Variants in FOXP2 observed in about 807,000 individuals in gnomAD.
FOXP2 encodes forkhead box protein P2.
FOXP2 carries 12 observed loss-of-function variants against 115.8 expected under a neutral mutation model. The observed-to-expected ratio is 0.10, with a 90% CI of 0.07 to 0.17. The LOEUF (loss-of-function observed/expected upper bound fraction) is 0.17, where lower values mean the gene tolerates loss of function less well. FOXP2 is among the 10% of genes least tolerant of loss of function. The pLI, the probability that FOXP2 is intolerant of heterozygous loss-of-function variation, is 1.00. For missense variants in FOXP2, 629 were observed against 843.5 expected, an observed-to-expected ratio of 0.75 and a Z score of 3.15; for synonymous variants, 328 against 297.7, an observed-to-expected ratio of 1.10 and a Z score of -1.05.
intron 4 of FOXP2, chr7:114,629,537 T>C: frequency 1.4e-6 from 2 of 1,403,782 alleles, no homozygotes; most frequent in African/African-American, 2.8e-5. Context: ...TAATTTAAAG[T>C]ATTAATTTGG....
intron 2 of FOXP2, among the ~76,000 whole-genome samples, chr7:114,402,401 A>G (rs1174126064): frequency 1.3e-5 from 2 of 152,166 alleles, no homozygotes; most frequent in African/African-American, 4.8e-5. Flanking sequence ...CTCCACCTCT[A>G]GAGGTATTTG....
At chr7:114,276,055 G>A in intron 1 of FOXP2, among the ~76,000 whole-genome samples, 1 of 152,152 alleles carries the variant, frequency 6.6e-6, no homozygotes, top group East Asian at 1.9e-4. Context: ...ATTAGTTTTT[G>A]ATAATGTGAT....
chr7:114,555,532 C>G (rs910659189), intron 3 of FOXP2, among the ~76,000 whole-genome samples: 1 of 152,290 alleles, frequency 6.6e-6, no homozygotes, highest in Non-Finnish European at 1.5e-5. Context: ...CACAGTGGCT[C>G]ATGCCTGTAA....
chr7:114,124,563 T>C (rs757975299), intron 1 of FOXP2, among the ~76,000 whole-genome samples: 2 of 152,116 alleles, frequency 1.3e-5, no homozygotes, highest in African/African-American at 2.4e-5. Context: ...TGCTTTCCAA[T>C]AAACTTTTAC....
intron 7 of FOXP2, among the ~76,000 whole-genome samples, chr7:114,643,563 T>C (rs989614968): frequency 2.0e-5 from 3 of 152,056 alleles, no homozygotes; most frequent in Admixed American, 6.6e-5. Context: ...TGTTAGATAA[T>C]TTTTTTGATA....
chr7:114,105,031 A>T (rs1210539681), intron 1 of FOXP2, among the ~76,000 whole-genome samples: 1 of 152,044 alleles, frequency 6.6e-6, no homozygotes, highest in Non-Finnish European at 1.5e-5. Context: ...ACTAATCTAA[A>T]AGAAATCAGT....
chr7:114,399,081 A>G (rs1792811940), intron 2 of FOXP2, among the ~76,000 whole-genome samples: 1 of 151,384 alleles, frequency 6.6e-6, no homozygotes, highest in South Asian at 2.1e-4. Flanking sequence ...TGTAAATTGA[A>G]TATTCATATC....
chr7:114,257,595 A>C (rs952436342), intron 1 of FOXP2, among the ~76,000 whole-genome samples: 1 of 151,418 alleles, frequency 6.6e-6, no homozygotes, highest in African/African-American at 2.4e-5. Context: ...CTGGCATTAC[A>C]CGAGCCTGCC....
intron 2 of FOXP2, among the ~76,000 whole-genome samples, chr7:114,345,049 C>T (rs547930573): frequency 5.9e-5 from 9 of 151,512 alleles, no homozygotes; most frequent in East Asian, 1.9e-4. Context: ...AGAGTGAGGA[C>T]GATTTGTTGT....
intron 1 of FOXP2, among the ~76,000 whole-genome samples, chr7:114,283,996 A>C (rs1438071884): frequency 6.6e-6 from 1 of 152,112 alleles, no homozygotes; most frequent in Non-Finnish European, 1.5e-5. Context: ...AACACATAAA[A>C]AAACTAATAA....
intron 2 of FOXP2, among the ~76,000 whole-genome samples, chr7:114,465,434 T>C (rs7808040): frequency 8.5e-5 from 13 of 152,328 alleles, no homozygotes; most frequent in Admixed American, 6.5e-4. Context: ...ATAGGATGCA[T>C]AGAAACTTAT....
chr7:114,137,518 T>C (rs1046311218), intron 1 of FOXP2, among the ~76,000 whole-genome samples: 3 of 152,168 alleles, frequency 2.0e-5, no homozygotes, highest in East Asian at 3.9e-4. Context: ...GTGCTTTTGG[T>C]ATCACTGTAG....
chr7:114,436,949 T>C (rs189164900), intron 2 of FOXP2, among the ~76,000 whole-genome samples: 1 of 152,310 alleles, frequency 6.6e-6, no homozygotes, highest in East Asian at 1.9e-4. Context: ...ATTAGCTTAG[T>C]TTGTAATTTT....
chr7:114,484,507 A>G (rs1343465041), intron 2 of FOXP2, among the ~76,000 whole-genome samples: 2 of 151,940 alleles, frequency 1.3e-5, no homozygotes, highest in Non-Finnish European at 2.9e-5. Context: ...CTTGATTTCT[A>G]TAAACTGTAG....
intron 2 of FOXP2, among the ~76,000 whole-genome samples, chr7:114,403,472 C>T (rs1003959213): frequency 6.6e-6 from 1 of 152,180 alleles, no homozygotes; most frequent in African/African-American, 2.4e-5. Context: ...AATCACTGTT[C>T]TTTATACTTC....
At chr7:114,425,397 A>C (rs2129204552) in intron 1 of FOXP2, among the ~76,000 whole-genome samples, 1 of 151,684 alleles carries the variant, frequency 6.6e-6, no homozygotes, top group Non-Finnish European at 1.5e-5. Flanking sequence ...ATGGCACAGG[A>C]TTCAGAGGTC....
At chr7:114,362,880 T>A (rs1283865688) in intron 2 of FOXP2, among the ~76,000 whole-genome samples, 1 of 152,024 alleles carries the variant, frequency 6.6e-6, no homozygotes, top group Non-Finnish European at 1.5e-5. Context: ...AGCATAGCTG[T>A]TTGGATGAGA....
At chr7:114,242,918 T>C (rs1795190458) in intron 1 of FOXP2, among the ~76,000 whole-genome samples, 1 of 152,132 alleles carries the variant, frequency 6.6e-6, no homozygotes, top group African/African-American at 2.4e-5. Flanking sequence ...TGCAGTAGGA[T>C]TCCTAGATGG....
At chr7:114,410,463 A>C (rs553624573), upstream of FOXP2, among the ~76,000 whole-genome samples, 1 of 152,152 alleles carries the variant, frequency 6.6e-6, no homozygotes, top group Non-Finnish European at 1.5e-5. Flanking sequence ...CACTGTCTTC[A>C]TCTGTAAAAA....
Sources: gnomAD v4.1 joint callset for allele counts (sites outside exome capture counted in the v4.1 genomes callset) on GRCh38, gnomAD v4.1.1 for gene constraint, MANE v1.5 for transcripts, NCBI Gene and HGNC (gene_info 2026-07-23, HGNC 2026-07-21) for gene names.